The following ERICH1 variants were observed in gnomAD, a reference collection of about 807,000 sequenced individuals.
ERICH1 encodes glutamate rich 1, also known as glutamate-rich protein 1.
Under a neutral mutation model 39.6 loss-of-function variants are expected in ERICH1, and 56 were observed. The observed-to-expected ratio is 1.41, with a 90% CI of 1.14 to 1.77. The LOEUF (loss-of-function observed/expected upper bound fraction) is 1.77. ERICH1 is among the 40% of genes most tolerant of loss of function. ERICH1 has a pLI of 0.00. For synonymous variants in ERICH1, 313 were observed against 223.6 expected (o/e 1.40, Z -3.57); for missense variants, 826 against 575.4 (o/e 1.44, Z -4.45).
rs145677865 is a variant in ERICH1, at chr8:707,293, T to C, written c.169+8568A>G. On this transcript the variant is annotated intron_variant, in intron 2 of 5. Coordinates refer to ENST00000262109, the MANE Select transcript of ERICH1 (RefSeq NM_207332.3). ...TGCGATCTTGGCTCACTGCAACCTC[T>C]GCCTCCCGGGTTCAAGCGACTCTAC... 8.6e-3 allele frequency among the ~76,000 whole-genome samples: 1,288 copies of C among 150,622 alleles called. 61 individuals are homozygous for C. The highest frequency in any genetic ancestry group is 0.075 in the Admixed American group (1,126 of 15,054).
chr8:639,669 C>G (rs11778446), intron 3 of ERICH1, among the ~76,000 whole-genome samples: 21,766 of 99,334 alleles, frequency 0.22, 2,005 homozygotes, highest in Middle Eastern at 0.28. Flanking sequence ...AGGCAGCCAC[C>G]AATCCAGTTA....
At chr8:701,341 C>T (rs1053180412) in intron 2 of ERICH1, among the ~76,000 whole-genome samples, 15 of 152,080 alleles carry the variant, frequency 9.9e-5, no homozygotes, top group South Asian at 4.1e-4. Context: ...GGGAGCACGC[C>T]GTACCCACGG....
At chr8:632,548 G>C (rs4735809) in intron 3 of ERICH1, among the ~76,000 whole-genome samples, 29,565 of 152,036 alleles carry the variant, frequency 0.19, 3,228 homozygotes, top group Middle Eastern at 0.32. Context: ...TACTAGAATA[G>C]AATAACAAAA....
chr8:690,334 G>A (rs1025392830), intron 3 of ERICH1, among the ~76,000 whole-genome samples: 1 of 152,244 alleles, frequency 6.6e-6, no homozygotes, highest in East Asian at 1.9e-4. Flanking sequence ...AGGTCTTCCT[G>A]TCCTGGCTTT....
At chr8:678,735 G>C (rs1330947778) in intron 3 of ERICH1, among the ~76,000 whole-genome samples, 1 of 152,188 alleles carries the variant, frequency 6.6e-6, no homozygotes, top group Admixed American at 6.5e-5. Context: ...TTGAACCTGG[G>C]AGGCGGAGCT....
intron 3 of ERICH1, among the ~76,000 whole-genome samples, chr8:689,324 T>C (rs1238280144): frequency 1.3e-5 from 2 of 152,226 alleles, no homozygotes. Context: ...TTGGCCAGGC[T>C]GTTCTCAAAC....
chr8:667,492 C>A (rs1802442410), intron 5 of ERICH1: 2 of 152,898 alleles, frequency 1.3e-5, no homozygotes. Flanking sequence ...TATCTGGCTT[C>A]TTTTCCAGCT....
intron 3 of ERICH1, among the ~76,000 whole-genome samples, chr8:682,790 T>G (rs566729764): frequency 1.3e-5 from 2 of 152,348 alleles, no homozygotes; most frequent in South Asian, 4.1e-4. Flanking sequence ...ATTCTAATTC[T>G]CACAGCTGCA....
chr8:679,451 C>A (rs935782063), intron 3 of ERICH1, among the ~76,000 whole-genome samples: 1 of 151,780 alleles, frequency 6.6e-6, no homozygotes, highest in South Asian at 2.1e-4. Context: ...AGCTCCCACC[C>A]CTCACAGCAC....
rs376000146 is a variant in ERICH1, at chr8:731,121, C to T, written c.22+19G>A. On this transcript the variant is annotated intron_variant, in intron 1 of 5. Coordinates refer to ENST00000262109, the MANE Select transcript of ERICH1 (RefSeq NM_207332.3). ...CCGGGTCTGGGGTCTGGGCAGGCCT[C>T]CGCACCGCACCCACCTACCGTGCTT... 6.6e-7 allele frequency: 1 copy of T among 1,507,368 alleles called. No individual in the cohort carries two copies. The highest frequency in any genetic ancestry group is 1.9e-4 in the Middle Eastern group (1 of 5,404). The allele number at this position is 1,507,368 out of a possible 1,614,324, so 93.4% of individuals were successfully genotyped here.
In ERICH1 at chr8:644,664, G is replaced by A. The variant is rs564611521; in HGVS notation, c.976+23934C>T. On this transcript the variant is annotated intron_variant, in intron 3 of 3. Transcript: ENST00000522706. The stretch of plus-strand genomic sequence containing the variant: ...GAGCTGCGTGAGTGGTGTTCAGGGC[G>A]CAGCTGCGTCTCTCCCTCCCTGCCC... Among the ~76,000 whole-genome samples, 27 of 68,718 alleles carry A rather than the reference G, an allele frequency of 3.9e-4. 10 individuals are homozygous for A. The highest frequency in any genetic ancestry group is 1.1e-3 in the South Asian group (2 of 1,816). The allele number at this position is 68,718 out of a possible 152,430, so 45.1% of individuals were successfully genotyped here. A position where few individuals can be genotyped will look rare whatever the true frequency, so the allele number is the denominator to read the frequency against.
In ERICH1 at chr8:648,355, C is replaced by T. The variant is rs574214833; in HGVS notation, c.976+20243G>A. Among the ~76,000 whole-genome samples the T allele has an allele frequency of 1.8e-4, 12 of 66,740 alleles. 5 individuals carry two copies. The highest frequency in any genetic ancestry group is 5.1e-4 in the Non-Finnish European group (11 of 21,480). 43.8% of individuals were successfully genotyped at this position (66,740 alleles called of 152,430 possible). On this transcript the variant is annotated intron_variant, in intron 3 of 3. Transcript: ENST00000522706. ...CTTTAATGGAAACGACTCAAATCCA[C>T]ACATCAGGCCCACGGCAAGGATGCT...
intron 1 of ERICH1, among the ~76,000 whole-genome samples, chr8:723,537 A>G (rs996496486): frequency 1.3e-5 from 2 of 152,236 alleles, no homozygotes; most frequent in African/African-American, 4.8e-5. Flanking sequence ...CATTTCCACT[A>G]AAACCACAAA....
At chr8:625,691 G>A (rs1395209442) in intron 3 of ERICH1, 4 of 152,240 alleles carry the variant, frequency 2.6e-5, no homozygotes, top group Non-Finnish European at 5.9e-5. Context: ...TCTTTAGACA[G>A]AAATGTAGTC....
At chr8:710,749 TACC>T (rs1814548630) in intron 2 of ERICH1, among the ~76,000 whole-genome samples, 1 of 152,264 alleles carries the variant, frequency 6.6e-6, no homozygotes, top group African/African-American at 2.4e-5. Context: ...TGTCTGGATG[TACC>T]ACAATTTGCT....
intron 1 of ERICH1, among the ~76,000 whole-genome samples, chr8:719,542 C>G (rs1816808959): frequency 6.6e-6 from 1 of 152,186 alleles, no homozygotes; most frequent in Non-Finnish European, 1.5e-5. Flanking sequence ...GACTCTCTTT[C>G]CTTCATAACC....
chr8:654,535 T>G (rs1158994473), intron 3 of ERICH1, among the ~76,000 whole-genome samples: 1 of 152,228 alleles, frequency 6.6e-6, no homozygotes, highest in African/African-American at 2.4e-5. Context: ...CTTTTCTATA[T>G]GTATGCCATA....
chr8:624,190 G>A (rs1420864330), intron 3 of ERICH1, among the ~76,000 whole-genome samples: 1 of 152,138 alleles, frequency 6.6e-6, no homozygotes, highest in African/African-American at 2.4e-5. Flanking sequence ...AAACCACAAT[G>A]AGACATCAGC....
At chr8:697,879 C>T (rs1724031970) in intron 2 of ERICH1, among the ~76,000 whole-genome samples, 1 of 152,224 alleles carries the variant, frequency 6.6e-6, no homozygotes, top group South Asian at 2.1e-4. Flanking sequence ...TGGGAGAGGC[C>T]ATCCCTGAGA....
Sources: gnomAD v4.1 joint callset for allele counts (sites outside exome capture counted in the v4.1 genomes callset) on GRCh38, gnomAD v4.1.1 for gene constraint, MANE v1.5 for transcripts, NCBI Gene and HGNC (gene_info 2026-07-23, HGNC 2026-07-21) for gene names.